DAOA: variants seen among roughly 807,000 people sequenced by gnomAD.
DAOA encodes D-amino acid oxidase activator.
Under a neutral mutation model 16.4 loss-of-function variants are expected in DAOA, and 15 were observed. The ratio of observed to expected loss-of-function variants is 0.91; its 90% CI spans 0.61 to 1.41. The LOEUF is 1.41. DAOA is among the 40% of genes most tolerant of loss of function. The probability of loss-of-function intolerance (pLI) is 0.00; values close to 1 mark genes in which losing one functional copy is unlikely to be tolerated. For synonymous variants in DAOA, 75 were observed against 59.1 expected, an observed-to-expected ratio of 1.27 and a Z score of -1.23; for missense variants, 230 against 176.8, an observed-to-expected ratio of 1.30 and a Z score of -1.71.
intron 4 of DAOA, among the ~76,000 whole-genome samples, chr13:105,488,178 G>A (rs923770747): frequency 1.3e-5 from 2 of 152,118 alleles, no homozygotes; most frequent in African/African-American, 4.8e-5. Flanking sequence ...TTCTTCATTT[G>A]TCTGTCCTCC....
Position 105,472,687 on chromosome 13 carries a change from T to A in DAOA, c.281+2T>A. On this transcript the variant is annotated splice_donor_variant, in intron 4 of 5. Transcript: ENST00000375936. LOFTEE classifies it high-confidence loss of function. Reference sequence around the variant, plus strand: ...TTACCTTCCTCAGCCCTATGCAGAGTATGTATCTTCTTCATTTTAAACTTT... The same window carrying A: ...TTACCTTCCTCAGCCCTATGCAGAGAATGTATCTTCTTCATTTTAAACTTT... 1 of 1,598,008 alleles carries A rather than the reference T, an allele frequency of 6.3e-7. No individual in the cohort carries two copies. Among genetic ancestry groups the A allele is most frequent in the Non-Finnish European group, 8.5e-7 (1 of 1,173,498 alleles).
At chr13:105,467,286 A>G (rs1876592059) in intron 3 of DAOA, 145 bp downstream of exon 3, 1 of 891,016 alleles carries the variant, frequency 1.1e-6, no homozygotes, top group Non-Finnish European at 1.6e-6. Context: ...AAATTTTTCC[A>G]GTTAAAATGT....
chr13:105,490,200 G>A lies in DAOA; in HGVS notation c.*111+8G>A, dbSNP rs1878421522. ...CCCAGCTGATAACACGTGGTAATAT[G>A]TTTTATAAAATTATATTTTTATGAA... On this transcript the variant is annotated splice_region_variant and intron_variant, in intron 5 of 5. Coordinates refer to ENST00000375936, the MANE Select transcript of DAOA (RefSeq NM_172370.5). 8.6e-7 allele frequency: 1 copy of A among 1,165,856 alleles called. No homozygotes were observed. The highest frequency in any genetic ancestry group is 4.1e-5 in the Admixed American group (1 of 24,310). The allele number at this position is 1,165,856 out of a possible 1,614,324, so 72.2% of individuals were successfully genotyped here.
At chr13:105,476,219 A>G (rs372080359) in intron 4 of DAOA, among the ~76,000 whole-genome samples, 21 of 152,262 alleles carry the variant, frequency 1.4e-4, no homozygotes, top group Admixed American at 4.6e-4. Context: ...ACTTGAACTT[A>G]TCAAAACTCA....
At chr13:105,470,839 C>G (rs1034347075) in intron 3 of DAOA, among the ~76,000 whole-genome samples, 1 of 151,698 alleles carries the variant, frequency 6.6e-6, no homozygotes, top group Non-Finnish European at 1.5e-5. Context: ...GGCCCAGGCT[C>G]GAGTGCAGTG....
chr13:105,472,523 T>G lies in DAOA; in HGVS notation c.134-15T>G, dbSNP rs759335745. On this transcript the variant is annotated splice_polypyrimidine_tract_variant and intron_variant, in intron 3 of 5. Coordinates refer to ENST00000375936, the MANE Select transcript of DAOA (RefSeq NM_172370.5). Reference sequence around the variant, plus strand: ...AGTTAATATGTATTATATATCCACTTAAATACTGTTGCAGCAAAGGAGACA... The same window carrying G: ...AGTTAATATGTATTATATATCCACTGAAATACTGTTGCAGCAAAGGAGACA... 25 of 1,611,678 alleles carry G rather than the reference T, an allele frequency of 1.6e-5. No homozygotes were observed. The South Asian group carries it at 1.9e-4, about 12-fold the overall frequency.
intron 4 of DAOA, among the ~76,000 whole-genome samples, chr13:105,474,054 A>G (rs981418366): frequency 1.3e-5 from 2 of 152,214 alleles, no homozygotes; most frequent in Non-Finnish European, 1.5e-5. Flanking sequence ...TCTAATTTAA[A>G]CTATGTATAT....
In DAOA at chr13:105,466,416, T is replaced by C. The variant is rs188767083; in HGVS notation, c.44+84T>C. 1.4e-4 allele frequency: 226 copies of C among 1,603,760 alleles called. 3 individuals carry two copies. The Admixed American group carries it at 3.8e-3, about 27-fold the overall frequency. ...GGCAGCACAGAGCTCCCAGGGTGAA[T>C]GTTCCTGGAGACAGGAAGTGGAACA... On this transcript the variant is annotated intron_variant, in intron 2 of 5. Coordinates refer to ENST00000375936, the MANE Select transcript of DAOA (RefSeq NM_172370.5).
rs529871737 is a variant in DAOA at position 105,476,344 on chromosome 13, T to C, written c.281+3659T>C. Among the ~76,000 whole-genome samples the C allele has an allele frequency of 2.6e-5, 4 of 152,208 alleles. No homozygotes were observed. In the East Asian group the frequency reaches 7.7e-4, roughly 29 times the overall value. On this transcript the variant is annotated intron_variant, in intron 4 of 5. Transcript: ENST00000375936. ...AAGTCATTTCCAAATGTCTATGTTT[T>C]GACTTTTTAAATAGACCAAATTTAG...
intron 4 of DAOA, among the ~76,000 whole-genome samples, chr13:105,488,565 A>C (rs963179710): frequency 2.0e-5 from 3 of 152,212 alleles, no homozygotes; most frequent in Non-Finnish European, 2.9e-5. Flanking sequence ...TTATTTCAAA[A>C]TATTCCACTA....
Position 105,466,317 on chromosome 13 carries a change from C to G in DAOA, c.29C>G (p.Ser10Cys). The change falls in exon 2 of 6, where the codon TCT becomes TGT. Residue 10 changes from serine (S) to cysteine (C), a missense_variant. Ser to Cys is a moderately radical substitution (Grantham distance 112, BLOSUM62 -1). Coordinates refer to ENST00000375936, the MANE Select transcript of DAOA (RefSeq NM_172370.5). Reference sequence around the variant, plus strand: ...CTGGAAAAGCTGATGGGTGCTGATTCTCTCCAGCTTTTCAGGTAGGTAGCT... The same window carrying G: ...CTGGAAAAGCTGATGGGTGCTGATTGTCTCCAGCTTTTCAGGTAGGTAGCT... MLEKLMGAD[S>C]LQLFRSRYTL... 1 of 1,614,072 alleles carries G rather than the reference C, an allele frequency of 6.2e-7. No individual in the cohort carries two copies. The highest frequency in any genetic ancestry group is 8.5e-7 in the Non-Finnish European group (1 of 1,179,964).
chr13:105,488,498 A>G (rs551222441), intron 4 of DAOA, among the ~76,000 whole-genome samples: 2 of 152,206 alleles, frequency 1.3e-5, no homozygotes, highest in African/African-American at 4.8e-5. Flanking sequence ...GGCACATAAC[A>G]TCTTACGTAT....
intron 3 of DAOA, among the ~76,000 whole-genome samples, chr13:105,471,576 A>T (rs2139172191): frequency 6.6e-6 from 1 of 152,368 alleles, no homozygotes; most frequent in Middle Eastern, 3.4e-3. Context: ...TTATGTTAAC[A>T]TGATAAGGCA....
chr13:105,466,464 C>T (rs1180942500), intron 2 of DAOA, 132 bp downstream of exon 2: 1 of 1,443,156 alleles, frequency 6.9e-7, no homozygotes, highest in Admixed American at 1.9e-5. Context: ...AAGCCTGAGC[C>T]CAGTATATGG....
intron 4 of DAOA, among the ~76,000 whole-genome samples, chr13:105,489,005 C>T (rs1044769178): frequency 5.9e-5 from 9 of 152,146 alleles, no homozygotes; most frequent in South Asian, 2.1e-4. Flanking sequence ...GATGAATTAA[C>T]GATTCACCAG....
At chr13:105,468,748 A>G (rs1876717182) in intron 3 of DAOA, among the ~76,000 whole-genome samples, 1 of 152,218 alleles carries the variant, frequency 6.6e-6, no homozygotes, top group African/African-American at 2.4e-5. Flanking sequence ...TGGAAGGAAA[A>G]CAAGCTTATT....
chr13:105,474,405 T>C (rs1422780500), intron 4 of DAOA, among the ~76,000 whole-genome samples: 1 of 152,110 alleles, frequency 6.6e-6, no homozygotes, highest in African/African-American at 2.4e-5. Context: ...ACATGATCAT[T>C]TGTAATACAT....
intron 3 of DAOA, among the ~76,000 whole-genome samples, chr13:105,468,830 G>A (rs145562658): frequency 1.8e-4 from 27 of 152,290 alleles, no homozygotes; most frequent in African/African-American, 6.3e-4. Context: ...TGGAATCACA[G>A]TAAAATATTA....
At chr13:105,489,206 A>G (rs1303252189) in intron 4 of DAOA, among the ~76,000 whole-genome samples, 3 of 152,174 alleles carry the variant, frequency 2.0e-5, no homozygotes, top group Non-Finnish European at 4.4e-5. Context: ...TAACATTTGC[A>G]TGTAAGATGG....
Sources: allele counts gnomAD v4.1 joint callset (sites outside exome capture counted in the v4.1 genomes callset), GRCh38; gene constraint gnomAD v4.1.1; transcripts MANE v1.5; gene names NCBI Gene and HGNC (gene_info 2026-07-23, HGNC 2026-07-21).